Variants in BMP1 observed in about 807,000 individuals in gnomAD.
The protein encoded by BMP1 is mammalian tolloid protein.
In BMP1, 63 loss-of-function variants were observed where a neutral mutation model predicts 116.8. That is an observed-to-expected ratio of 0.54 (90% CI 0.44 to 0.67). The LOEUF (loss-of-function observed/expected upper bound fraction) is 0.67, where lower values mean the gene tolerates loss of function less well. BMP1 is among the 30% of genes least tolerant of loss of function. The pLI is 0.00. For missense variants in BMP1, 1,183 were observed against 1,358.9 expected (o/e 0.87, Z 2.04); for synonymous variants, 536 against 533.4 (o/e 1.00, Z -0.07).
intron 16 of BMP1, among the ~76,000 whole-genome samples, chr8:22,204,229 T>C (rs143796392): frequency 7.2e-5 from 11 of 152,118 alleles, no homozygotes; most frequent in African/African-American, 2.7e-4. Context: ...CGATGGGTAA[T>C]GGTGACAGCT....
chr8:22,172,140 T>C (rs1409219040), intron 1 of BMP1, among the ~76,000 whole-genome samples: 2 of 152,104 alleles, frequency 1.3e-5, no homozygotes, highest in African/African-American at 4.8e-5. Context: ...TAAAACAATT[T>C]GTGTAACGCG....
At chr8:22,193,538 C>T (rs532969362) in intron 9 of BMP1, among the ~76,000 whole-genome samples, 1 of 152,354 alleles carries the variant, frequency 6.6e-6, no homozygotes, top group East Asian at 1.9e-4. Flanking sequence ...AATCCCAGAA[C>T]TCTGGGAGGC....
chr8:22,187,130 A>G (rs1373825217), intron 8 of BMP1, among the ~76,000 whole-genome samples: 2 of 151,864 alleles, frequency 1.3e-5, no homozygotes, highest in East Asian at 3.9e-4. Context: ...AACCGGGACT[A>G]CTGGCACGTG....
chr8:22,193,560 G>A (rs1828993984), intron 9 of BMP1, among the ~76,000 whole-genome samples: 1 of 152,212 alleles, frequency 6.6e-6, no homozygotes, highest in African/African-American at 2.4e-5. Flanking sequence ...AAGGTGGGTG[G>A]ATCACCTGAG....
intron 15 of BMP1, chr8:22,199,198 G>A (rs867203289): frequency 1.5e-6 from 2 of 1,367,618 alleles, no homozygotes; most frequent in African/African-American, 1.5e-5. Flanking sequence ...AACCTGCAGA[G>A]GACCCCCACT....
chr8:22,191,132 G>A (rs896890421), intron 8 of BMP1, among the ~76,000 whole-genome samples: 18 of 152,188 alleles, frequency 1.2e-4, no homozygotes, highest in Non-Finnish European at 2.4e-4. Context: ...TCCTGAGCTT[G>A]GAGCCTGAAA....
At chr8:22,195,425 G>C in intron 12 of BMP1, 37 bp from the exon 13 acceptor site, 5 of 1,577,254 alleles carry the variant, frequency 3.2e-6, no homozygotes, top group Non-Finnish European at 4.3e-6. Context: ...TCCCTTGAAT[G>C]CCTGGAGTCT....
Position 22,185,447 on chromosome 8 carries a change from C to G in BMP1, c.1077+4964C>G, listed in dbSNP as rs1305495546. Among the ~76,000 whole-genome samples, 3 of 151,156 alleles carry G rather than the reference C, an allele frequency of 2.0e-5. No individual in the cohort carries two copies. In the East Asian group the frequency reaches 5.8e-4, roughly 29 times the overall value. On this transcript the variant is annotated intron_variant, in intron 8 of 19. Transcript: ENST00000306385. ...TTCCAGCCTGGGCAACAGAGTAAGA[C>G]TCAGTCTCAAAAAAGGAAAAAATAA...
Position 22,198,955 on chromosome 8 carries a change from G to T in BMP1, c.2107+1535G>T, listed in dbSNP as rs1829171343. 3.1e-6 allele frequency: 4 copies of T among 1,272,428 alleles called. No homozygotes were observed. The Admixed American group carries it at 1.0e-4, about 32-fold the overall frequency. 78.8% of individuals were successfully genotyped at this position (1,272,428 alleles called of 1,614,324 possible). A position where few individuals can be genotyped will look rare whatever the true frequency, so the allele number is the denominator to read the frequency against. On this transcript the variant is annotated intron_variant, in intron 15 of 19. Coordinates refer to ENST00000306385, the MANE Select transcript of BMP1 (RefSeq NM_006129.5). ...TGAGAGGATGTAACACCCACTCGGG[G>T]CAGGCTCTGCCCCGGGAAACCATTA...
At chr8:22,186,489 A>G (rs1432694123) in intron 8 of BMP1, among the ~76,000 whole-genome samples, 1 of 151,822 alleles carries the variant, frequency 6.6e-6, no homozygotes, top group Non-Finnish European at 1.5e-5. Context: ...TTTTTTTGAG[A>G]TGGAGTCTCA....
At position 22,209,583 on chromosome 8, in the gene BMP1, T is replaced by C. The variant is rs1423849104; in HGVS notation, c.2714T>C (p.Val905Ala). ...GAGGAAGGCTACGGCGTGGAGCTCG[T>C]GTTCCAGACCTTTGAGGTGGAGGAG... ...VAEEGYGVEL[V>A]FQTFEVEEET... Residue 905 changes from valine to alanine, a missense_variant, in exon 19 of 20, where the codon GTG becomes GCG. Coordinates refer to ENST00000306385, the MANE Select transcript of BMP1 (RefSeq NM_006129.5). 2.5e-6 allele frequency: 4 copies of C among 1,614,218 alleles called. No homozygotes were observed. The highest frequency in any genetic ancestry group is 3.4e-6 in the Non-Finnish European group (4 of 1,180,026).
At position 22,179,704 on chromosome 8, in the gene BMP1, G is replaced by A; in HGVS notation, c.837-1G>A. 6.2e-7 allele frequency: 1 copy of A among 1,613,932 alleles called. No individual in the cohort carries two copies. Among genetic ancestry groups the A allele is most frequent in the Non-Finnish European group, 8.5e-7 (1 of 1,179,868 alleles). ...CCCTTACTTTTCTCCCTCTTCTTCA[G>A]GGGCATCTTCCTGGATACCATTGTC... On this transcript the variant is annotated splice_acceptor_variant, in intron 6 of 19. Transcript: ENST00000306385. LOFTEE classifies it high-confidence loss of function. The surrounding 1 kb of genome is among the most constrained non-coding windows in gnomAD (Gnocchi z 4.6).
In BMP1 at chr8:22,194,045, A is replaced by G. The variant is rs780278771; in HGVS notation, c.1181-13A>G. On this transcript the variant is annotated splice_polypyrimidine_tract_variant and intron_variant, in intron 9 of 19. Coordinates refer to ENST00000306385, the MANE Select transcript of BMP1 (RefSeq NM_006129.5). The surrounding 1 kb of genome is among the most constrained non-coding windows in gnomAD (Gnocchi z 4.5). ...CAGGGTTCACCACTCTTCCATCCAC[A>G]CTGTCTGTGCAGGCCGCTTCTGCGG... is the stretch of plus-strand genomic sequence containing the variant. 6 of 1,608,526 alleles carry G rather than the reference A, an allele frequency of 3.7e-6. No homozygotes were observed. The highest frequency in any genetic ancestry group is 1.3e-5 in the African/African-American group (1 of 74,722).
In BMP1 at chr8:22,173,576, G is replaced by T. The variant is rs774432315; in HGVS notation, c.149-26G>T. 4 of 1,584,256 alleles carry T rather than the reference G, an allele frequency of 2.5e-6. No homozygotes were observed. In the South Asian group the frequency reaches 3.4e-5, roughly 13 times the overall value. On this transcript the variant is annotated intron_variant, in intron 1 of 19. Coordinates refer to ENST00000306385, the MANE Select transcript of BMP1 (RefSeq NM_006129.5). ...AGGGCTGGGTAGGAGGATTAACTCAGCCCTGGCTTCTTCTTTTCTCTTTAG... is the reference window on the plus strand; with the variant it reads ...AGGGCTGGGTAGGAGGATTAACTCATCCCTGGCTTCTTCTTTTCTCTTTAG...
intron 9 of BMP1, among the ~76,000 whole-genome samples, chr8:22,193,520 A>C (rs12681946): frequency 0.14 from 20,860 of 152,274 alleles, 1,579 homozygotes; most frequent in East Asian, 0.19. Context: ...ACGGTGGCTC[A>C]CACCTGAAAT....
chr8:22,181,837 G>C lies in BMP1; in HGVS notation c.1077+1354G>C, dbSNP rs542708145. On this transcript the variant is annotated intron_variant, in intron 8 of 19. Coordinates refer to ENST00000306385, the MANE Select transcript of BMP1 (RefSeq NM_006129.5). ...TCCAAAGTGCTGGGATTACAGGCGTGAGCCACCGCATCTGGCCTGTAGCCA... is the reference window on the plus strand; with the variant it reads ...TCCAAAGTGCTGGGATTACAGGCGTCAGCCACCGCATCTGGCCTGTAGCCA... Among the ~76,000 whole-genome samples the C allele has an allele frequency of 1.6e-4, 25 of 152,266 alleles. No homozygotes were observed. The South Asian group carries it at 4.6e-3, about 28-fold the overall frequency.
Position 22,176,975 on chromosome 8 carries a change from T to C in BMP1, c.566T>C (p.Val189Ala). 2 of 1,610,530 alleles carry C rather than the reference T, an allele frequency of 1.2e-6. No individual in the cohort carries two copies. Among genetic ancestry groups the C allele is most frequent in the Non-Finnish European group, 1.7e-6 (2 of 1,178,650 alleles). ...TYRPCGCCSY[V>A]GRRGGGPQAI... ...CCGCCCTCCAGGTGCTGCTCCTACG[T>C]GGGTCGCCGCGGCGGGGGCCCCCAG... Residue 189 changes from valine to alanine, a missense_variant, in exon 5 of 20, where the codon GTG (valine) becomes GCG (alanine). By Grantham distance (64) the Val-to-Ala change is moderately conservative. Coordinates refer to ENST00000306385, the MANE Select transcript of BMP1 (RefSeq NM_006129.5).
intron 8 of BMP1, among the ~76,000 whole-genome samples, chr8:22,189,148 A>T (rs1321107553): frequency 1.3e-5 from 2 of 152,330 alleles, no homozygotes; most frequent in East Asian, 3.9e-4. Flanking sequence ...CTCAGAGGTG[A>T]CTAAGCATTG....
At position 22,207,486 on chromosome 8, in the gene BMP1, C is replaced by T. The variant is rs757267575; in HGVS notation, c.2545C>T (p.Arg849Ter). ...LRFYSDNSVQ[R>*]KGFQASHATE... Reference sequence around the variant, plus strand: ...CTTCTACTCAGATAACTCGGTCCAGCGAAAGGGCTTCCAGGCCTCCCACGC... The same window carrying T: ...CTTCTACTCAGATAACTCGGTCCAGTGAAAGGGCTTCCAGGCCTCCCACGC... Residue 849 changes from arginine (R) to a stop codon, truncating the protein, a stop_gained, in exon 18 of 20, where the codon CGA becomes TGA. Coordinates refer to ENST00000306385, the MANE Select transcript of BMP1 (RefSeq NM_006129.5). LOFTEE classifies it high-confidence loss of function. 10 of 1,613,574 alleles carry T rather than the reference C, an allele frequency of 6.2e-6. No individual in the cohort carries two copies. The highest frequency in any genetic ancestry group is 1.7e-5 in the Admixed American group (1 of 60,014).
Sources: gnomAD v4.1 joint callset for allele counts (sites outside exome capture counted in the v4.1 genomes callset) on GRCh38, gnomAD v4.1.1 for gene constraint, Gnocchi (gnomAD v3.1) non-coding constraint, MANE v1.5 for transcripts, NCBI Gene and HGNC (gene_info 2026-07-23, HGNC 2026-07-21) for gene names.